FRMPD2: variants seen among roughly 807,000 people sequenced by gnomAD.
FRMPD2 encodes FERM and PDZ domain containing 2.
FRMPD2 carries 96 observed loss-of-function variants against 140.1 expected under a neutral mutation model. That is an observed-to-expected ratio of 0.69 (90% confidence interval 0.58 to 0.81). FRMPD2 has a LOEUF of 0.81. Ranked by LOEUF, FRMPD2 falls within the 40% of genes least tolerant of loss-of-function variation. FRMPD2 has a pLI of 0.00. For synonymous variants in FRMPD2, 449 were observed against 547.6 expected (o/e 0.82, Z 2.52); for missense variants, 1,240 against 1,447.4 (o/e 0.86, Z 2.32).
Position 48,209,680 on chromosome 10 carries a change from G to A in FRMPD2, c.1611+2274C>T, listed in dbSNP as rs17010974. Among the ~76,000 whole-genome samples the A allele has an allele frequency of 2.3e-3, 348 of 152,338 alleles. 1 individual carries two copies. Among genetic ancestry groups the A allele is most frequent in the African/African-American group, 7.8e-3 (326 of 41,580 alleles). On this transcript the variant is annotated intron_variant, in intron 13 of 28. Coordinates refer to ENST00000374201, the MANE Select transcript of FRMPD2 (RefSeq NM_001018071.4). ...GAGATGGAAAATGTCCAGAAATGAC[G>A]GCTGCACGAGGTGTCTTAGCAATAT...
intron 7 of FRMPD2, 58 bp downstream of exon 7, chr10:48,239,547 G>GC (rs1257928014): frequency 7.4e-6 from 9 of 1,224,226 alleles, no homozygotes; most frequent in Admixed American, 7.3e-5. Flanking sequence ...AGGTACCATA[G>GC]CCCCCACACC....
intron 4 of FRMPD2, among the ~76,000 whole-genome samples, chr10:48,244,441 G>GAGA (rs2131954189): frequency 6.6e-6 from 1 of 152,336 alleles, no homozygotes; most frequent in Admixed American, 6.5e-5. Flanking sequence ...GGGAAGGGTT[G>GAGA]TTTTAAAGCC....
intron 24 of FRMPD2, among the ~76,000 whole-genome samples, chr10:48,173,354 C>G (rs1469299607): frequency 1.8e-4 from 28 of 152,098 alleles, no homozygotes; most frequent in Middle Eastern, 3.2e-3. Flanking sequence ...ACCCTCACTT[C>G]CCCTCCTCGT....
chr10:48,242,479 G>A (rs1840145444), intron 4 of FRMPD2, 127 bp from the exon 5 acceptor site: 4 of 725,612 alleles, frequency 5.5e-6, no homozygotes, highest in Non-Finnish European at 8.9e-6. Context: ...GCAGATGCCT[G>A]CCCCTTCTGG....
intron 12 of FRMPD2, among the ~76,000 whole-genome samples, chr10:48,219,746 TACTAAC>T (rs1839536230): frequency 6.6e-6 from 1 of 152,174 alleles, no homozygotes; most frequent in Admixed American, 6.5e-5. Flanking sequence ...AATAACAAGT[TACTAAC>T]ACTATTAACT....
Position 48,232,220 on chromosome 10 carries a change from C to T in FRMPD2, c.1063G>A (p.Glu355Lys). 1 of 1,614,178 alleles carries T rather than the reference C, an allele frequency of 6.2e-7. No individual in the cohort carries two copies. The highest frequency in any genetic ancestry group is 1.7e-5 in the Admixed American group (1 of 60,028). The change falls in exon 10 of 29, where the codon GAG becomes AAG. Residue 355 changes from glutamate (E) to lysine (K), a missense_variant. Glu to Lys is a moderately conservative substitution (Grantham distance 56, BLOSUM62 1). Coordinates refer to ENST00000374201, the MANE Select transcript of FRMPD2 (RefSeq NM_001018071.4). ...GTTGATTCAACATCACATTTTACCT[C>T]CAGGTGCTGCCCGTTCAGCAGGACC... ...CVVLLNGQHL[E>K]VKCDVESTVG...
At chr10:48,180,287 A>G (rs1243761098) in intron 21 of FRMPD2, among the ~76,000 whole-genome samples, 1 of 152,274 alleles carries the variant, frequency 6.6e-6, no homozygotes, top group East Asian at 1.9e-4. Flanking sequence ...AGAAGACAAC[A>G]CCACTGGGAA....
chr10:48,200,151 TATAAATAAATAAATAAATAA>T (rs201958134), intron 15 of FRMPD2, among the ~76,000 whole-genome samples: 25 of 135,562 alleles, frequency 1.8e-4, no homozygotes, highest in African/African-American at 5.7e-4. Flanking sequence ...AGCTAAAAAA[TATAAATAAATAAATAAATAA>T]ATAAATAAAT....
chr10:48,240,576 T>C, intron 5 of FRMPD2, 84 bp from the exon 6 acceptor site: 2 of 1,558,222 alleles, frequency 1.3e-6, no homozygotes, highest in Non-Finnish European at 1.8e-6. Flanking sequence ...GCTGTCAGAC[T>C]GAATCAATGT....
chr10:48,259,384 T>C (rs1420669729), intron 1 of FRMPD2, among the ~76,000 whole-genome samples: 2 of 152,212 alleles, frequency 1.3e-5, no homozygotes, highest in African/African-American at 4.8e-5. Flanking sequence ...AGTGGAAGGC[T>C]GGGGTTTTGA....
At chr10:48,260,506 T>C (rs1840567846) in intron 1 of FRMPD2, among the ~76,000 whole-genome samples, 1 of 152,164 alleles carries the variant, frequency 6.6e-6, no homozygotes, top group Non-Finnish European at 1.5e-5. Flanking sequence ...ATAGCACAAT[T>C]CAAACTCTGA....
chr10:48,201,229 A>G lies in FRMPD2; in HGVS notation c.1953T>C (p.Phe651=), dbSNP rs1166455783. The G allele has an allele frequency of 6.2e-7, 1 of 1,603,954 alleles. No individual in the cohort carries two copies. The highest frequency in any genetic ancestry group is 8.5e-7 in the Non-Finnish European group (1 of 1,175,136). The change falls in exon 15 of 29, where the codon TTT becomes TTC. Residue 651 remains phenylalanine, a splice_region_variant and synonymous_variant. Coordinates refer to ENST00000374201, the MANE Select transcript of FRMPD2 (RefSeq NM_001018071.4). The stretch of plus-strand genomic sequence containing the variant: ...ATGGAGAATACAGCTTCTACTCACC[A>G]AATAAAACATGGGAAGGCTGCCCAG... ...MGSGQPSHVL[F]DHDKFVQMAN... is the part of the protein sequence containing the mutation.
intron 8 of FRMPD2, among the ~76,000 whole-genome samples, 182 bp from the exon 9 acceptor site, chr10:48,236,735 G>C (rs2131936568): frequency 6.6e-6 from 1 of 152,304 alleles, no homozygotes; most frequent in South Asian, 2.1e-4. Flanking sequence ...TCTTGGAGCA[G>C]AAGTCTTACA....
chr10:48,242,043 G>A (rs1361128103), intron 5 of FRMPD2, 118 bp downstream of exon 5: 1 of 721,736 alleles, frequency 1.4e-6, no homozygotes, highest in Non-Finnish European at 2.2e-6. Flanking sequence ...TGTGACAGAT[G>A]TGACTGATTA....
chr10:48,171,646 A>C (rs1838261261), intron 25 of FRMPD2, among the ~76,000 whole-genome samples: 1 of 152,272 alleles, frequency 6.6e-6, no homozygotes, highest in Non-Finnish European at 1.5e-5. Flanking sequence ...TTCAAAATCC[A>C]ATACATATTT....
Position 48,245,675 on chromosome 10 carries a change from C to T in FRMPD2, c.310-826G>A, listed in dbSNP as rs548014650. ...CCCATATAAACTTATTTAGTCCTCA[C>T]TGCAATCCTGTGACGTAGGTACTTT... On this transcript the variant is annotated intron_variant, in intron 3 of 28. Coordinates refer to ENST00000374201, the MANE Select transcript of FRMPD2 (RefSeq NM_001018071.4). Among the ~76,000 whole-genome samples, 3 of 152,338 alleles carry T rather than the reference C, an allele frequency of 2.0e-5. No individual in the cohort carries two copies. The East Asian group carries it at 5.8e-4, about 29-fold the overall frequency.
chr10:48,166,425 C>T (rs1160876434), intron 27 of FRMPD2, among the ~76,000 whole-genome samples: 3 of 95,268 alleles, frequency 3.1e-5, no homozygotes, highest in African/African-American at 1.3e-4. Flanking sequence ...ACCAGTAACC[C>T]GAGTGGCCCC....
chr10:48,213,469 C>T (rs1307837900), intron 12 of FRMPD2, among the ~76,000 whole-genome samples: 1 of 152,204 alleles, frequency 6.6e-6, no homozygotes, highest in Non-Finnish European at 1.5e-5. Context: ...GAGCAATTTG[C>T]TCCTTGGTAA....
At chr10:48,221,835 T>C (rs1839592017) in intron 12 of FRMPD2, among the ~76,000 whole-genome samples, 2 of 152,076 alleles carry the variant, frequency 1.3e-5, no homozygotes, top group South Asian at 4.2e-4. Context: ...GGTGTGTGGG[T>C]GGCTGGGTGG....
Sources: gnomAD v4.1 joint callset for allele counts (sites outside exome capture counted in the v4.1 genomes callset) on GRCh38, gnomAD v4.1.1 for gene constraint, MANE v1.5 for transcripts, NCBI Gene and HGNC (gene_info 2026-07-23, HGNC 2026-07-21) for gene names.